SLC26A8: variants seen among roughly 807,000 people sequenced by gnomAD.
SLC26A8 encodes the protein solute carrier family 26 member 8, also known as testis anion transporter 1.
Under a neutral mutation model 105.0 loss-of-function variants are expected in SLC26A8, and 70 were observed. The ratio of observed to expected loss-of-function variants is 0.67; its 90% CI spans 0.55 to 0.81. SLC26A8 has a LOEUF of 0.81. Among genes scored for constraint, SLC26A8 ranks in the 40% least tolerant of loss-of-function variants. The pLI, the probability that SLC26A8 is intolerant of heterozygous loss-of-function variation, is 0.00. For missense variants in SLC26A8, 998 were observed against 1,181.8 expected (o/e 0.84, Z 2.28); for synonymous variants, 415 against 438.3 (o/e 0.95, Z 0.66).
At chr6:35,989,486 C>G (rs935510713) in intron 7 of SLC26A8, 4 of 152,170 alleles carry the variant, frequency 2.6e-5, no homozygotes, top group Non-Finnish European at 5.9e-5. Flanking sequence ...AATCATTACA[C>G]ACATTACAAT....
intron 3 of SLC26A8, 150 bp from the exon 4 acceptor site, chr6:36,000,258 G>A: frequency 1.7e-6 from 1 of 600,644 alleles, no homozygotes. Context: ...TCCTTCATTA[G>A]CACTTTTTAT....
At chr6:35,958,054 G>C (rs751168144) in intron 16 of SLC26A8, among the ~76,000 whole-genome samples, 1 of 152,064 alleles carries the variant, frequency 6.6e-6, no homozygotes, top group Admixed American at 6.6e-5. Flanking sequence ...TGTCTTTGTC[G>C]AAGCCTGTCC....
chr6:36,007,348 C>T (rs991781054), intron 3 of SLC26A8, among the ~76,000 whole-genome samples: 1 of 152,078 alleles, frequency 6.6e-6, no homozygotes, highest in Non-Finnish European at 1.5e-5. Flanking sequence ...GGAGACTGAA[C>T]CATCATTTAA....
intron 3 of SLC26A8, among the ~76,000 whole-genome samples, chr6:36,002,241 A>G (rs973420708): frequency 6.6e-6 from 1 of 152,208 alleles, no homozygotes; most frequent in African/African-American, 2.4e-5. Flanking sequence ...ATCAGAATCC[A>G]AGGTTGCTAC....
At chr6:35,965,692 A>AT (rs1300938174) in intron 11 of SLC26A8, among the ~76,000 whole-genome samples, 2 of 149,856 alleles carry the variant, frequency 1.3e-5, no homozygotes, top group African/African-American at 4.9e-5. Flanking sequence ...CAAAAAAAAA[A>AT]AAAAAAAGAA....
intron 3 of SLC26A8, among the ~76,000 whole-genome samples, chr6:36,002,611 A>G (rs1350447322): frequency 1.3e-5 from 2 of 151,996 alleles, no homozygotes; most frequent in African/African-American, 4.8e-5. Context: ...ACCCTTGTCT[A>G]GTTATTTTTA....
In SLC26A8 at chr6:35,954,740, T is replaced by C. The variant is rs1302016577; in HGVS notation, c.2232+412A>G. The C allele has an allele frequency of 1.4e-5, 3 of 218,198 alleles. No homozygotes were observed. In the Admixed American group the frequency reaches 1.6e-4, roughly 11 times the overall value. 13.5% of individuals were successfully genotyped at this position (218,198 alleles called of 1,614,324 possible). A position where few individuals can be genotyped will look rare whatever the true frequency, so the allele number is the denominator to read the frequency against. Reference sequence around the variant, plus strand: ...TGCGCGGATCACTTGAGGTTAGCAGTTTGAGACCAACCTGGCCAACATGGT... The same window carrying C: ...TGCGCGGATCACTTGAGGTTAGCAGCTTGAGACCAACCTGGCCAACATGGT... On this transcript the variant is annotated intron_variant, in intron 17 of 19. Coordinates refer to ENST00000490799, the MANE Select transcript of SLC26A8 (RefSeq NM_052961.4).
intron 17 of SLC26A8, among the ~76,000 whole-genome samples, chr6:35,953,570 C>G (rs1202676514): frequency 6.6e-6 from 1 of 152,150 alleles, no homozygotes; most frequent in Non-Finnish European, 1.5e-5. Context: ...GTAACAACTA[C>G]AGCCCAGGAC....
chr6:36,014,431 G>T (rs896778382), intron 2 of SLC26A8, among the ~76,000 whole-genome samples: 6 of 152,186 alleles, frequency 3.9e-5, no homozygotes, highest in Admixed American at 3.9e-4. Context: ...CATCTTAAAA[G>T]TGAGAAATGG....
At position 35,977,321 on chromosome 6, in the gene SLC26A8, G is replaced by C; in HGVS notation, c.1056C>G (p.Ser352Arg). The part of the protein sequence containing the change: ...SFLLPVTPDF[S>R]LLPKIILQAF... ...CTTGTAAAATTATCTTGGGAAGAAG[G>C]CTGAAATCTGGTGTTACAGGAAGCA... Residue 352 changes from serine to arginine, a missense_variant, in exon 9 of 20, where the codon AGC becomes AGG. By Grantham distance (110) the Ser-to-Arg change is moderately radical (BLOSUM62 -1). Transcript: ENST00000490799. The C allele has an allele frequency of 6.2e-7, 1 of 1,613,962 alleles. No homozygotes were observed. The highest frequency in any genetic ancestry group is 8.5e-7 in the Non-Finnish European group (1 of 1,179,970).
intron 3 of SLC26A8, among the ~76,000 whole-genome samples, chr6:36,006,767 T>C (rs539753430): frequency 1.2e-4 from 19 of 152,322 alleles, no homozygotes; most frequent in Admixed American, 3.3e-4. Flanking sequence ...TTTGCAGGAA[T>C]GCAACTAGCA....
intron 2 of SLC26A8, among the ~76,000 whole-genome samples, chr6:36,013,524 T>C (rs1262713061): frequency 6.6e-6 from 1 of 152,170 alleles, no homozygotes; most frequent in Non-Finnish European, 1.5e-5. Context: ...GGGTAGAGGC[T>C]AAACATCACA....
At chr6:36,003,674 T>G (rs1562064569) in intron 3 of SLC26A8, among the ~76,000 whole-genome samples, 1 of 151,044 alleles carries the variant, frequency 6.6e-6, no homozygotes, top group East Asian at 1.9e-4. Flanking sequence ...TTTCTTTTTT[T>G]TTTTTGAGAC....
chr6:35,952,070 G>C (rs1239636928), intron 17 of SLC26A8, among the ~76,000 whole-genome samples: 1 of 152,180 alleles, frequency 6.6e-6, no homozygotes, highest in African/African-American at 2.4e-5. Flanking sequence ...GCTGCCCATA[G>C]TCTCAAGGGG....
chr6:35,996,787 C>G (rs548213770), intron 5 of SLC26A8, among the ~76,000 whole-genome samples: 5 of 152,272 alleles, frequency 3.3e-5, no homozygotes, highest in South Asian at 2.1e-4. Flanking sequence ...ATAATCCCAA[C>G]AGTTTGGGAG....
intron 12 of SLC26A8, among the ~76,000 whole-genome samples, chr6:35,962,087 A>G (rs1230196715): frequency 6.6e-6 from 1 of 152,036 alleles, no homozygotes; most frequent in Non-Finnish European, 1.5e-5. Context: ...TTAGCCGGGC[A>G]TGGTGGTGGG....
chr6:35,944,410 C>A (rs1465344150), intron 19 of SLC26A8, 70 bp from the exon 20 acceptor site: 10 of 1,079,548 alleles, frequency 9.3e-6, no homozygotes, highest in Non-Finnish European at 1.4e-5. Context: ...GTGGCTCATA[C>A]CTGTAATCCC....
chr6:36,022,691 G>T (rs561219475), intron 1 of SLC26A8, among the ~76,000 whole-genome samples: 79 of 152,126 alleles, frequency 5.2e-4, no homozygotes, highest in African/African-American at 1.8e-3. Flanking sequence ...TCCATCAAAT[G>T]TCTGGCTAAC....
At chr6:36,022,920 G>A (rs1332562977) in intron 1 of SLC26A8, among the ~76,000 whole-genome samples, 2 of 150,274 alleles carry the variant, frequency 1.3e-5, no homozygotes, top group Admixed American at 1.3e-4. Context: ...AACTCTGGGG[G>A]CCATCAGTCT....
Sources: allele counts gnomAD v4.1 joint callset (sites outside exome capture counted in the v4.1 genomes callset), GRCh38; gene constraint gnomAD v4.1.1; transcripts MANE v1.5; gene names NCBI Gene and HGNC (gene_info 2026-07-23, HGNC 2026-07-21).